The following NME8 variants were observed in gnomAD, a reference collection of about 807,000 sequenced individuals.
NME8 encodes NME/NM23 family member 8, also known as protein NME8.
A neutral mutation model predicts 82.3 loss-of-function variants in NME8; 72 were observed. That is an observed-to-expected ratio of 0.87 (90% CI 0.72 to 1.06). The LOEUF is 1.06. Among genes scored for constraint, NME8 ranks in the 50% least tolerant of loss-of-function variants. NME8 has a pLI of 0.00. For synonymous variants in NME8, 267 were observed against 228.5 expected (o/e 1.17, Z -1.52); for missense variants, 712 against 685.4 (o/e 1.04, Z -0.43).
At chr7:37,868,397 C>T (rs535608608) in intron 11 of NME8, among the ~76,000 whole-genome samples, 12 of 151,000 alleles carry the variant, frequency 7.9e-5, no homozygotes, top group South Asian at 4.2e-4. Flanking sequence ...GCATGCATTC[C>T]GGAGATGTAT....
chr7:37,854,912 C>T (rs1249986846), intron 5 of NME8, among the ~76,000 whole-genome samples: 4 of 152,170 alleles, frequency 2.6e-5, no homozygotes, highest in African/African-American at 7.2e-5. Flanking sequence ...TTTTCTCCAG[C>T]AGGAATTTAT....
At chr7:37,855,734 G>T (rs928866802) in intron 5 of NME8, among the ~76,000 whole-genome samples, 2 of 151,862 alleles carry the variant, frequency 1.3e-5, no homozygotes, top group African/African-American at 4.8e-5. Context: ...TAGATCCCTC[G>T]CTTACTTTTG....
At chr7:37,886,657 T>C (rs1294888473) in intron 14 of NME8, among the ~76,000 whole-genome samples, 2 of 152,130 alleles carry the variant, frequency 1.3e-5, no homozygotes, top group Non-Finnish European at 1.5e-5. Context: ...CCAATAATCA[T>C]GTTTAACAGC....
intron 11 of NME8, among the ~76,000 whole-genome samples, chr7:37,870,530 A>G (rs1047900745): frequency 6.7e-6 from 1 of 149,560 alleles, no homozygotes; most frequent in African/African-American, 2.5e-5. Context: ...TAGAGATTGC[A>G]GTGAGTCAAG....
At chr7:37,849,869 C>CAAAAAAAAAAAAAAAAAAAAAAAAAAAAA (rs869133999) in intron 2 of NME8, among the ~76,000 whole-genome samples, 1 of 39,892 alleles carries the variant, frequency 2.5e-5, no homozygotes, top group Admixed American at 1.8e-4. Flanking sequence ...GACTATGTCT[C>CAAAAAAAAAAAAAAAAAAAAAAAAAAAAA]AAAAAAAAAA....
intron 12 of NME8, among the ~76,000 whole-genome samples, chr7:37,877,914 G>A (rs939541761): frequency 2.0e-5 from 3 of 152,152 alleles, no homozygotes; most frequent in South Asian, 4.2e-4. Flanking sequence ...CACAGTAATA[G>A]GGTTTGCAAA....
At chr7:37,883,345 T>C (rs1441963554) in intron 12 of NME8, among the ~76,000 whole-genome samples, 2 of 152,222 alleles carry the variant, frequency 1.3e-5, no homozygotes, top group Non-Finnish European at 2.9e-5. Flanking sequence ...GATTCCACTT[T>C]TTCAACTTTC....
At chr7:37,851,147 A>G (rs1425275234) in intron 5 of NME8, among the ~76,000 whole-genome samples, 2 of 152,136 alleles carry the variant, frequency 1.3e-5, no homozygotes, top group Non-Finnish European at 2.9e-5. Context: ...TTTATTTGCT[A>G]CCTACTTGCA....
chr7:37,880,061 C>T (rs1485912822), intron 12 of NME8, among the ~76,000 whole-genome samples: 2 of 147,732 alleles, frequency 1.4e-5, no homozygotes, highest in East Asian at 4.1e-4. Context: ...TCATTTTCCT[C>T]ATTGTTGAGT....
chr7:37,875,637 G>C (rs1377539323), intron 11 of NME8, among the ~76,000 whole-genome samples: 1 of 150,340 alleles, frequency 6.7e-6, no homozygotes, highest in Admixed American at 6.6e-5. Context: ...AAAAAAAAAA[G>C]ATGAAAATAA....
chr7:37,891,877 C>CTAT (rs1785134807), intron 15 of NME8, among the ~76,000 whole-genome samples: 1 of 152,022 alleles, frequency 6.6e-6, no homozygotes, highest in East Asian at 1.9e-4. Context: ...AAATGATATC[C>CTAT]TATTACCTTT....
At chr7:37,870,607 A>G (rs1267270890) in intron 11 of NME8, among the ~76,000 whole-genome samples, 3 of 150,058 alleles carry the variant, frequency 2.0e-5, no homozygotes, top group Non-Finnish European at 4.4e-5. Context: ...AAAAAAAAAA[A>G]AGTTTACCAA....
At chr7:37,868,894 G>T (rs1022241417) in intron 11 of NME8, among the ~76,000 whole-genome samples, 2 of 152,180 alleles carry the variant, frequency 1.3e-5, no homozygotes, top group East Asian at 3.9e-4. Context: ...TAGAATGTTG[G>T]TTTTATGCGC....
chr7:37,893,119 C>T (rs1006517997), intron 15 of NME8, among the ~76,000 whole-genome samples: 17 of 152,062 alleles, frequency 1.1e-4, no homozygotes, highest in African/African-American at 4.1e-4. Flanking sequence ...GGGGGTGAAT[C>T]TGTCTCACTA....
At chr7:37,859,234 C>A (rs1784562474) in intron 6 of NME8, among the ~76,000 whole-genome samples, 1 of 152,180 alleles carries the variant, frequency 6.6e-6, no homozygotes. Flanking sequence ...GTGTACCATC[C>A]AATCCATGTT....
In NME8 at chr7:37,867,851, G is replaced by T; in HGVS notation, c.771G>T (p.Glu257Asp). The T allele has an allele frequency of 1.2e-6, 2 of 1,613,860 alleles. No individual in the cohort carries two copies. The highest frequency in any genetic ancestry group is 1.7e-4 in the Middle Eastern group (1 of 6,056). ...ACGAACGATCTGAGGATCAACCTGA[G>T]GTCGAAGCCCAGGTTACACCTGGAA... The part of the protein sequence containing the change: ...EPNERSEDQP[E>D]VEAQVTPGMM... Residue 257 changes from glutamate (E) to aspartate (D), a missense_variant, in exon 11 of 18, where the codon GAG becomes GAT. Transcript: ENST00000199447.
At chr7:37,866,406 A>C (rs955830037) in intron 10 of NME8, among the ~76,000 whole-genome samples, 44 of 152,110 alleles carry the variant, frequency 2.9e-4, no homozygotes, top group African/African-American at 1.0e-3. Flanking sequence ...CCCGGCTTCC[A>C]TGTGTGTAGA....
At chr7:37,870,312 C>T (rs1045027250) in intron 11 of NME8, among the ~76,000 whole-genome samples, 5 of 151,770 alleles carry the variant, frequency 3.3e-5, no homozygotes, top group Non-Finnish European at 7.4e-5. Context: ...CAATTTGAGC[C>T]GGGTGCGGTG....
At chr7:37,890,691 T>A (rs1290858259) in intron 15 of NME8, among the ~76,000 whole-genome samples, 1 of 152,008 alleles carries the variant, frequency 6.6e-6, no homozygotes, top group Non-Finnish European at 1.5e-5. Context: ...TTTCTGTGCC[T>A]GACTTATTTC....
Sources: gnomAD v4.1 joint callset for allele counts (sites outside exome capture counted in the v4.1 genomes callset) on GRCh38, gnomAD v4.1.1 for gene constraint, MANE v1.5 for transcripts, NCBI Gene and HGNC (gene_info 2026-07-23, HGNC 2026-07-21) for gene names.